PTPRO: variants seen among roughly 807,000 people sequenced by gnomAD.
PTPRO encodes the protein receptor-type tyrosine-protein phosphatase O.
A neutral mutation model predicts 145.2 loss-of-function variants in PTPRO; 62 were observed. The observed-to-expected ratio is 0.43, with a 90% CI of 0.35 to 0.53. The LOEUF (loss-of-function observed/expected upper bound fraction) is 0.53. Ranked by LOEUF, PTPRO falls within the 20% of genes least tolerant of loss-of-function variation. The pLI is 0.01. For synonymous variants in PTPRO, 565 were observed against 514.7 expected (o/e 1.10, Z -1.32); for missense variants, 1,345 against 1,482.7 (o/e 0.91, Z 1.53).
chr12:15,538,764 G>C (rs950153592), intron 12 of PTPRO, among the ~76,000 whole-genome samples: 5 of 152,188 alleles, frequency 3.3e-5, no homozygotes, highest in Non-Finnish European at 5.9e-5. Flanking sequence ...AACTGACTGG[G>C]TAACTCGCTG....
At chr12:15,509,632 G>A (rs1024789466) in intron 7 of PTPRO, among the ~76,000 whole-genome samples, 1 of 96,862 alleles carries the variant, frequency 1.0e-5, no homozygotes, top group African/African-American at 3.2e-5. Flanking sequence ...GGGAGGTGGG[G>A]GTTGCAGTGA....
intron 14 of PTPRO, among the ~76,000 whole-genome samples, chr12:15,549,629 T>TG (rs1389003707): frequency 6.6e-6 from 1 of 152,178 alleles, no homozygotes; most frequent in African/African-American, 2.4e-5. Context: ...AATTGATAAC[T>TG]GGGTCAAAGC....
chr12:15,557,198 G>C (rs946693366), intron 15 of PTPRO, among the ~76,000 whole-genome samples: 2 of 151,942 alleles, frequency 1.3e-5, no homozygotes, highest in African/African-American at 4.8e-5. Context: ...GTGCCACCAC[G>C]CCTAGCTAAT....
intron 18 of PTPRO, among the ~76,000 whole-genome samples, chr12:15,567,343 C>T (rs1487606088): frequency 1.3e-5 from 2 of 152,144 alleles, no homozygotes; most frequent in African/African-American, 4.8e-5. Context: ...TTTTCTATCT[C>T]CACTTGTCTT....
chr12:15,408,693 G>T (rs1301243726), intron 1 of PTPRO, among the ~76,000 whole-genome samples: 1 of 152,178 alleles, frequency 6.6e-6, no homozygotes, highest in Admixed American at 6.5e-5. Flanking sequence ...CTCCCAAAGT[G>T]CTGGGATTAC....
chr12:15,510,445 A>T (rs1591667076), intron 7 of PTPRO, among the ~76,000 whole-genome samples: 1 of 152,332 alleles, frequency 6.6e-6, no homozygotes, highest in East Asian at 1.9e-4. Flanking sequence ...GCTTCAAGGT[A>T]CATTTCTCCC....
intron 16 of PTPRO, 91 bp from the exon 17 acceptor site, chr12:15,560,102 A>G (rs1228854953): frequency 1.1e-6 from 1 of 889,724 alleles, no homozygotes; most frequent in African/African-American, 1.6e-5. Flanking sequence ...ATTAATCCCA[A>G]TAGGTAATTT....
At chr12:15,405,342 C>T (rs1192528596) in intron 1 of PTPRO, among the ~76,000 whole-genome samples, 2 of 151,800 alleles carry the variant, frequency 1.3e-5, no homozygotes, top group Non-Finnish European at 2.9e-5. Context: ...GCTTATTTGC[C>T]TGCATTAAGT....
At chr12:15,415,670 C>T (rs1284879125) in intron 1 of PTPRO, among the ~76,000 whole-genome samples, 1 of 151,748 alleles carries the variant, frequency 6.6e-6, no homozygotes, top group Non-Finnish European at 1.5e-5. Context: ...CAGGCGTGAG[C>T]CACTGTGCCC....
In PTPRO at chr12:15,551,597, C is replaced by G; in HGVS notation, c.2484C>G (p.Ile828Met). Residue 828 changes from isoleucine to methionine, a missense_variant, in exon 15 of 27, where the codon ATC becomes ATG. Ile to Met is a conservative substitution (Grantham distance 10). This residue lies in a region of PTPRO where 1,130 missense variants were observed against 1,214.7 expected (regional missense o/e 0.93). Transcript: ENST00000281171. ...PNVVVISVLA[I>M]LSTLLIGLLL... The stretch of plus-strand genomic sequence containing the variant: ...TGGTAGTGATCTCCGTGCTGGCCAT[C>G]CTTAGCACACTTTTAATTGGACTGT... The G allele has an allele frequency of 6.2e-7, 1 of 1,613,616 alleles. No homozygotes were observed. The highest frequency in any genetic ancestry group is 8.5e-7 in the Non-Finnish European group (1 of 1,179,692).
intron 1 of PTPRO, among the ~76,000 whole-genome samples, chr12:15,448,314 C>G (rs1306387748): frequency 8.7e-6 from 1 of 115,364 alleles, no homozygotes; most frequent in East Asian, 2.8e-4. Context: ...TTGCCTTCTT[C>G]TCTATTCTAT....
chr12:15,537,834 G>A (rs923320430), intron 12 of PTPRO, among the ~76,000 whole-genome samples: 2 of 152,158 alleles, frequency 1.3e-5, no homozygotes, highest in African/African-American at 4.8e-5. Flanking sequence ...GGATCCAGTG[G>A]AAGGATTGGG....
chr12:15,529,649 T>A (rs953690944), intron 12 of PTPRO, among the ~76,000 whole-genome samples: 12 of 152,050 alleles, frequency 7.9e-5, no homozygotes, highest in African/African-American at 2.7e-4. Context: ...GACCCCCATC[T>A]TAAAAATAAG....
chr12:15,532,459 G>A (rs1302045350), intron 12 of PTPRO, among the ~76,000 whole-genome samples: 3 of 152,116 alleles, frequency 2.0e-5, no homozygotes, highest in Non-Finnish European at 4.4e-5. Context: ...GTCTTTTGGT[G>A]TCCTCTTAAT....
intron 20 of PTPRO, among the ~76,000 whole-genome samples, chr12:15,579,602 ACTT>A (rs1014310392): frequency 3.3e-5 from 5 of 152,212 alleles, no homozygotes; most frequent in African/African-American, 1.2e-4. Flanking sequence ...TTCAGAAATT[ACTT>A]CTTTAATTTA....
At position 15,499,390 on chromosome 12, in the gene PTPRO, G is replaced by A. The variant is rs573149291; in HGVS notation, c.509-52G>A. On this transcript the variant is annotated intron_variant, in intron 3 of 26. Transcript: ENST00000281171. ...TAATTGTTTCAAACTTTCCAGAAGT[G>A]TGTGATGTTTAGAAGACCATATTTT... 36 of 1,542,468 alleles carry A rather than the reference G, an allele frequency of 2.3e-5. No homozygotes were observed. In the South Asian group the frequency reaches 3.4e-4, roughly 14 times the overall value.
At chr12:15,535,771 C>T (rs1265364180) in intron 12 of PTPRO, among the ~76,000 whole-genome samples, 2 of 152,212 alleles carry the variant, frequency 1.3e-5, no homozygotes, top group Non-Finnish European at 2.9e-5. Context: ...CTCATACCCA[C>T]TTTTGTGACT....
intron 15 of PTPRO, among the ~76,000 whole-genome samples, chr12:15,555,216 C>T (rs759805006): frequency 3.3e-5 from 5 of 151,502 alleles, no homozygotes; most frequent in Non-Finnish European, 5.9e-5. Context: ...CCAGCCTGGG[C>T]GACGACTGAG....
intron 1 of PTPRO, among the ~76,000 whole-genome samples, chr12:15,386,175 A>G (rs1939022361): frequency 6.6e-6 from 1 of 152,174 alleles, no homozygotes. Flanking sequence ...AACAAGCCTC[A>G]AAGTGCTGGA....
Sources: gnomAD v4.1 joint callset for allele counts (sites outside exome capture counted in the v4.1 genomes callset) on GRCh38, gnomAD v4.1.1 for gene constraint, gnomAD v4.1.1 regional missense constraint, MANE v1.5 for transcripts, NCBI Gene and HGNC (gene_info 2026-07-23, HGNC 2026-07-21) for gene names.